The following LRBA variants were observed in gnomAD, a reference collection of about 807,000 sequenced individuals.
LRBA encodes the protein LPS responsive beige-like anchor protein.
Under a neutral mutation model 330.0 loss-of-function variants are expected in LRBA, and 176 were observed. The ratio of observed to expected loss-of-function variants is 0.53; its 90% CI spans 0.47 to 0.60. The LOEUF (loss-of-function observed/expected upper bound fraction) is 0.60, where lower values mean the gene tolerates loss of function less well. Among genes scored for constraint, LRBA ranks in the 20% least tolerant of loss-of-function variants. The pLI is 0.00. For synonymous variants in LRBA, 1,230 were observed against 1,193.0 expected, an observed-to-expected ratio of 1.03 and a Z score of -0.64; for missense variants, 3,259 against 3,444.8, an observed-to-expected ratio of 0.95 and a Z score of 1.35.
chr4:150,609,759 C>T (rs1428799925), intron 37 of LRBA, among the ~76,000 whole-genome samples: 7 of 151,894 alleles, frequency 4.6e-5, no homozygotes, highest in Non-Finnish European at 8.8e-5. Context: ...GCTAGGATGG[C>T]GGTTTAAAGA....
intron 37 of LRBA, among the ~76,000 whole-genome samples, chr4:150,652,222 TTCTC>T (rs974361417): frequency 6.6e-6 from 1 of 152,040 alleles, no homozygotes; most frequent in Admixed American, 6.6e-5. Flanking sequence ...CCCTCAATGT[TTCTC>T]TCTCTCCCTC....
intron 2 of LRBA, among the ~76,000 whole-genome samples, chr4:150,931,781 G>T (rs1237152081): frequency 6.6e-6 from 1 of 151,542 alleles, no homozygotes; most frequent in Non-Finnish European, 1.5e-5. Context: ...TAAGTTTAGG[G>T]ATAGCTATAT....
At chr4:150,382,803 A>T (rs1742473172) in intron 47 of LRBA, among the ~76,000 whole-genome samples, 1 of 152,208 alleles carries the variant, frequency 6.6e-6, no homozygotes, top group African/African-American at 2.4e-5. Context: ...GATTGTAAAA[A>T]AACATAGAAA....
chr4:150,415,067 T>C (rs1747542367), intron 47 of LRBA, among the ~76,000 whole-genome samples: 1 of 152,232 alleles, frequency 6.6e-6, no homozygotes, highest in South Asian at 2.1e-4. Flanking sequence ...ATCTTGTTTC[T>C]ATTATGAAAA....
At chr4:150,281,195 T>A (rs928023334) in intron 55 of LRBA, among the ~76,000 whole-genome samples, 1 of 152,218 alleles carries the variant, frequency 6.6e-6, no homozygotes, top group Non-Finnish European at 1.5e-5. Flanking sequence ...AAGTGACAGA[T>A]TATCCACATT....
Position 150,908,426 on chromosome 4 carries a change from C to A in LRBA, c.1401G>T (p.Met467Ile), listed in dbSNP as rs772367007. 1.2e-6 allele frequency: 2 copies of A among 1,608,218 alleles called. No individual in the cohort carries two copies. Among genetic ancestry groups the A allele is most frequent in the Admixed American group, 3.4e-5 (2 of 58,272 alleles). Residue 467 changes from methionine to isoleucine, a missense_variant, in exon 11 of 57, where the codon ATG becomes ATT. Coordinates refer to ENST00000651943, the MANE Select transcript of LRBA (RefSeq NM_001364905.1). ...AVLTHSIQSA[M>I]HSIGGVQVLF... ...GTACTTGTACTCCTCCAATTGAATG[C>A]ATTGCACTTTGGATGGAATGTGTTA...
intron 9 of LRBA, among the ~76,000 whole-genome samples, chr4:150,913,025 G>T (rs1284407244): frequency 1.3e-5 from 2 of 152,068 alleles, no homozygotes; most frequent in Non-Finnish European, 2.9e-5. Context: ...AAACTTGGTG[G>T]ACTTTCCAGT....
intron 40 of LRBA, among the ~76,000 whole-genome samples, chr4:150,545,938 T>C (rs1345221973): frequency 2.6e-5 from 4 of 152,150 alleles, no homozygotes; most frequent in Non-Finnish European, 5.9e-5. Context: ...GTTTTTTTTT[T>C]TCTTTTTCCT....
intron 47 of LRBA, among the ~76,000 whole-genome samples, chr4:150,369,545 CT>C (rs535840596): frequency 2.2e-3 from 314 of 145,318 alleles, no homozygotes; most frequent in African/African-American, 5.3e-3. Flanking sequence ...AAAAAATATA[CT>C]TTTTTTTTTT....
intron 40 of LRBA, among the ~76,000 whole-genome samples, chr4:150,537,101 C>T (rs896561829): frequency 6.6e-6 from 1 of 152,086 alleles, no homozygotes; most frequent in African/African-American, 2.4e-5. Context: ...CTACAATAAC[C>T]AAAACAGCAT....
chr4:150,489,711 A>T (rs1251703265), intron 41 of LRBA, among the ~76,000 whole-genome samples: 1 of 131,778 alleles, frequency 7.6e-6, no homozygotes, highest in African/African-American at 2.8e-5. Context: ...TATATATTAT[A>T]TATAAGAATA....
At chr4:150,925,845 G>A (rs1234347094) in intron 4 of LRBA, among the ~76,000 whole-genome samples, 2 of 152,008 alleles carry the variant, frequency 1.3e-5, no homozygotes, top group Non-Finnish European at 2.9e-5. Context: ...TTTCTCTTCT[G>A]GACACGACAT....
chr4:150,402,018 C>T (rs1045569596), intron 47 of LRBA, among the ~76,000 whole-genome samples: 10 of 151,588 alleles, frequency 6.6e-5, no homozygotes, highest in South Asian at 2.1e-4. Flanking sequence ...TCTGTGGGCA[C>T]GGCGGCTCAC....
chr4:150,710,935 A>C (rs1291848065), intron 36 of LRBA, among the ~76,000 whole-genome samples: 1 of 151,952 alleles, frequency 6.6e-6, no homozygotes, highest in Non-Finnish European at 1.5e-5. Context: ...TTACAGTTCT[A>C]TCTCTGACTG....
chr4:150,905,490 T>C (rs566808315), intron 13 of LRBA, among the ~76,000 whole-genome samples: 25 of 152,212 alleles, frequency 1.6e-4, no homozygotes, highest in Admixed American at 9.2e-4. Flanking sequence ...TAAAACTGTC[T>C]AACTTTGATT....
At chr4:150,502,557 G>A (rs1760417741) in intron 40 of LRBA, among the ~76,000 whole-genome samples, 1 of 152,130 alleles carries the variant, frequency 6.6e-6, no homozygotes. Flanking sequence ...AGAATTTTTA[G>A]AAAAAGACAT....
chr4:150,721,658 A>C (rs1728952759), intron 36 of LRBA, among the ~76,000 whole-genome samples: 1 of 152,146 alleles, frequency 6.6e-6, no homozygotes, highest in African/African-American at 2.4e-5. Context: ...TCTGTCCCCC[A>C]GGCTGGAGTG....
intron 5 of LRBA, among the ~76,000 whole-genome samples, 168 bp downstream of exon 5, chr4:150,921,030 T>C (rs1260323043): frequency 1.3e-5 from 2 of 152,218 alleles, no homozygotes; most frequent in Non-Finnish European, 2.9e-5. Flanking sequence ...TCTTCACCTC[T>C]AAAGCAATTA....
At chr4:150,414,548 T>C (rs950854353) in intron 47 of LRBA, among the ~76,000 whole-genome samples, 6 of 152,158 alleles carry the variant, frequency 3.9e-5, no homozygotes, top group African/African-American at 1.4e-4. Context: ...TGGAGTACAA[T>C]GGCATGATAT....
Sources: allele counts gnomAD v4.1 joint callset (sites outside exome capture counted in the v4.1 genomes callset), GRCh38; gene constraint gnomAD v4.1.1; transcripts MANE v1.5; gene names NCBI Gene and HGNC (gene_info 2026-07-23, HGNC 2026-07-21).